Variants in ZNF618 observed in about 807,000 individuals in gnomAD.
ZNF618 encodes neural precursor cell expressed, developmentally down-regulated 10.
In ZNF618, 34 loss-of-function variants were observed where a neutral mutation model predicts 103.0. The ratio of observed to expected loss-of-function variants is 0.33; its 90% CI spans 0.25 to 0.44. ZNF618 has a LOEUF of 0.44. Among genes scored for constraint, ZNF618 ranks in the 20% least tolerant of loss-of-function variants. The probability of loss-of-function intolerance (pLI) is 1.00; values close to 1 mark genes in which losing one functional copy is unlikely to be tolerated. For synonymous variants in ZNF618, 551 were observed against 542.2 expected (o/e 1.02, Z -0.23); for missense variants, 1,059 against 1,295.4 (o/e 0.82, Z 2.80).
intron 12 of ZNF618, among the ~76,000 whole-genome samples, chr9:114,035,675 G>A (rs1844525856): frequency 6.6e-6 from 1 of 151,554 alleles, no homozygotes; most frequent in Non-Finnish European, 1.5e-5. Context: ...AGTGCTAAGA[G>A]TAGAGAGCTG....
chr9:113,885,284 T>A (rs1401522855), intron 1 of ZNF618, among the ~76,000 whole-genome samples: 1 of 152,260 alleles, frequency 6.6e-6, no homozygotes, highest in East Asian at 1.9e-4. Context: ...CGTATCTTAA[T>A]TTCTGCATCT....
chr9:113,901,536 C>T (rs934462204), intron 1 of ZNF618, among the ~76,000 whole-genome samples: 8 of 152,220 alleles, frequency 5.3e-5, no homozygotes, highest in African/African-American at 1.7e-4. Context: ...GATACATCAG[C>T]GCCCGTGCCA....
intron 1 of ZNF618, among the ~76,000 whole-genome samples, chr9:113,902,054 G>C (rs1434767655): frequency 6.6e-6 from 1 of 151,972 alleles, no homozygotes; most frequent in Non-Finnish European, 1.5e-5. Context: ...GAGAAGAAAT[G>C]GCAGTGCTTC....
At chr9:113,879,093 T>C (rs1219479261) in intron 1 of ZNF618, among the ~76,000 whole-genome samples, 1 of 151,850 alleles carries the variant, frequency 6.6e-6, no homozygotes, top group Non-Finnish European at 1.5e-5. Context: ...GAATTTATAA[T>C]TTCCAAGGGG....
chr9:113,881,568 A>G (rs1828519718), intron 1 of ZNF618, among the ~76,000 whole-genome samples: 1 of 152,070 alleles, frequency 6.6e-6, no homozygotes, highest in South Asian at 2.1e-4. Context: ...AATGTATTTT[A>G]CTCCTACAGT....
chr9:114,024,939 T>C (rs1166769814), intron 10 of ZNF618, among the ~76,000 whole-genome samples: 1 of 152,174 alleles, frequency 6.6e-6, no homozygotes, highest in Non-Finnish European at 1.5e-5. Context: ...CTGTCTCCTT[T>C]GTTCACTGAG....
chr9:114,051,020 AG>A lies in ZNF618; in HGVS notation c.*854del, dbSNP rs1846100450. ...GAGAGGAGAAAAAGACATTTTTCAG[AG>A]AAGTATAGATACTGTCTCCACTCCC... is the stretch of plus-strand genomic sequence containing the variant. On this transcript the variant is annotated 3_prime_UTR_variant, in exon 15 of 15. Transcript: ENST00000374126. 6.6e-6 allele frequency: 1 copy of A among 152,630 alleles called. No homozygotes were observed. 9.5% of individuals were successfully genotyped at this position (152,630 alleles called of 1,614,324 possible).
intron 1 of ZNF618, among the ~76,000 whole-genome samples, chr9:113,905,043 T>TATC (rs1424026405): frequency 6.6e-6 from 1 of 152,074 alleles, no homozygotes; most frequent in Non-Finnish European, 1.5e-5. Context: ...TTATTCTGCC[T>TATC]ATCACAGTCA....
chr9:113,913,379 A>G (rs1588022684), intron 1 of ZNF618, among the ~76,000 whole-genome samples: 1 of 152,250 alleles, frequency 6.6e-6, no homozygotes, highest in East Asian at 1.9e-4. Flanking sequence ...GATTTAACAT[A>G]AAGCTACATC....
At chr9:113,899,401 G>A (rs929687571) in intron 1 of ZNF618, among the ~76,000 whole-genome samples, 2 of 152,154 alleles carry the variant, frequency 1.3e-5, no homozygotes, top group Non-Finnish European at 2.9e-5. Context: ...GTACAGGTCC[G>A]TGGCCTGTTG....
rs146680528 is a variant in ZNF618 at position 113,989,201 on chromosome 9, A to C, written c.337+621A>C. The stretch of plus-strand genomic sequence containing the variant: ...CCAACAAATATGTTTATTTAGCATA[A>C]ATAGAGATGAGCCAACAGGACAGGT... On this transcript the variant is annotated intron_variant, in intron 3 of 14. Transcript: ENST00000374126. Among the ~76,000 whole-genome samples the C allele has an allele frequency of 2.7e-3, 406 of 152,332 alleles. 4 individuals carry two copies. The highest frequency in any genetic ancestry group is 9.5e-3 in the African/African-American group (396 of 41,586).
At chr9:113,943,898 T>C (rs1834768350) in intron 1 of ZNF618, among the ~76,000 whole-genome samples, 1 of 152,140 alleles carries the variant, frequency 6.6e-6, no homozygotes, top group African/African-American at 2.4e-5. Flanking sequence ...ACTTTGCTCT[T>C]CCCCTAACCT....
At chr9:113,980,828 C>G (rs1379039593) in intron 2 of ZNF618, among the ~76,000 whole-genome samples, 1 of 152,166 alleles carries the variant, frequency 6.6e-6, no homozygotes, top group Non-Finnish European at 1.5e-5. Flanking sequence ...GAGGCAGAGT[C>G]CGACGGGGAC....
intron 1 of ZNF618, among the ~76,000 whole-genome samples, chr9:113,884,813 A>T (rs1189437114): frequency 6.8e-5 from 10 of 147,626 alleles, no homozygotes; most frequent in African/African-American, 2.3e-4. Context: ...AGAGAGAGAG[A>T]CAGAGAAACT....
intron 10 of ZNF618, among the ~76,000 whole-genome samples, chr9:114,018,298 C>T (rs913617097): frequency 6.6e-6 from 1 of 152,212 alleles, no homozygotes; most frequent in Non-Finnish European, 1.5e-5. Context: ...GGGCTGTGGT[C>T]GGGCTTGAAC....
rs753392793 is a variant in ZNF618 at position 114,049,802 on chromosome 9, A to C, written c.2500A>C (p.Asn834His). The change falls in exon 15 of 15, where the codon AAC (asparagine) becomes CAC (histidine). Residue 834 changes from asparagine to histidine, a missense_variant. Transcript: ENST00000374126. ...EIIGKVCELI[N>H]EVKESWAEEA... ...CATCGGCAAGGTCTGTGAGCTCATC[A>C]ACGAGGTGAAGGAGTCCTGGGCCGA... 9.3e-6 allele frequency: 15 copies of C among 1,613,880 alleles called. No homozygotes were observed. The highest frequency in any genetic ancestry group is 1.3e-5 in the Non-Finnish European group (15 of 1,179,908).
chr9:113,910,738 C>T (rs923064546), intron 1 of ZNF618, among the ~76,000 whole-genome samples: 19 of 152,144 alleles, frequency 1.2e-4, no homozygotes, highest in Non-Finnish European at 4.4e-5. Context: ...GCTCAGGGCC[C>T]GTCTTCCCGT....
chr9:114,007,905 C>G (rs963243989), intron 7 of ZNF618, among the ~76,000 whole-genome samples: 2 of 152,202 alleles, frequency 1.3e-5, no homozygotes, highest in African/African-American at 2.4e-5. Flanking sequence ...AGGGGTTCCC[C>G]GTCTAGCCCC....
intron 1 of ZNF618, among the ~76,000 whole-genome samples, chr9:113,909,352 C>T (rs986803937): frequency 1.4e-4 from 21 of 152,034 alleles, no homozygotes; most frequent in African/African-American, 4.6e-4. Flanking sequence ...GGTGGAGTAT[C>T]GTGACTGGGA....
Sources: allele counts gnomAD v4.1 joint callset (sites outside exome capture counted in the v4.1 genomes callset), GRCh38; gene constraint gnomAD v4.1.1; transcripts MANE v1.5; gene names NCBI Gene and HGNC (gene_info 2026-07-23, HGNC 2026-07-21).